TULP3: variants seen among roughly 807,000 people sequenced by gnomAD.
The protein encoded by TULP3 is TUB like protein 3, also known as tubby-related protein 3.
A neutral mutation model predicts 50.7 loss-of-function variants in TULP3; 38 were observed. That is an observed-to-expected ratio of 0.75 (90% CI 0.58 to 0.98). The LOEUF is 0.98. TULP3 is among the 50% of genes least tolerant of loss of function. The probability of loss-of-function intolerance (pLI) is 0.00; values close to 1 mark genes in which losing one functional copy is unlikely to be tolerated. For missense variants in TULP3, 550 were observed against 568.0 expected (o/e 0.97, Z 0.32); for synonymous variants, 183 against 196.6 (o/e 0.93, Z 0.58).
chr12:2,900,039 A>AC (rs1232442704), intron 1 of TULP3, among the ~76,000 whole-genome samples: 4 of 150,790 alleles, frequency 2.7e-5, no homozygotes, highest in Admixed American at 1.3e-4. Context: ...ATGTGTTGGA[A>AC]CCCCGTCTCT....
In TULP3 at chr12:2,939,193, T is replaced by G; in HGVS notation, c.1196-118T>G. On this transcript the variant is annotated intron_variant, in intron 10 of 10. Transcript: ENST00000448120. The surrounding 1 kb of genome is among the most constrained non-coding windows in gnomAD (Gnocchi z 4.0). ...CTGCAGTGAGCTGTGGTCATTCCAC[T>G]AGGCTCCAGCCAGGGCGACAGAGCA... is the stretch of plus-strand genomic sequence containing the variant. 8.6e-7 allele frequency: 1 copy of G among 1,161,016 alleles called. No individual in the cohort carries two copies. Among genetic ancestry groups the G allele is most frequent in the Middle Eastern group, 2.6e-4 (1 of 3,836 alleles). 71.9% of individuals were successfully genotyped at this position (1,161,016 alleles called of 1,614,324 possible).
At chr12:2,905,209 CAG>C (rs2098181510) in intron 1 of TULP3, among the ~76,000 whole-genome samples, 3 of 138,908 alleles carry the variant, frequency 2.2e-5, no homozygotes, top group South Asian at 4.5e-4. Context: ...TCCTTTGAGA[CAG>C]AGTCTCGCTC....
intron 4 of TULP3, among the ~76,000 whole-genome samples, chr12:2,928,898 T>C (rs1338649533): frequency 1.3e-5 from 2 of 152,042 alleles, no homozygotes; most frequent in Non-Finnish European, 2.9e-5. Context: ...TGAGCTGAGA[T>C]GGTGCCACTG....
chr12:2,908,046 C>T (rs890588626), intron 1 of TULP3, among the ~76,000 whole-genome samples: 1 of 152,042 alleles, frequency 6.6e-6, no homozygotes, highest in African/African-American at 2.4e-5. Flanking sequence ...GTTAAACGTG[C>T]CTCCCAAGTG....
chr12:2,939,564 C>G lies in TULP3; in HGVS notation c.*120C>G. 3 of 1,481,948 alleles carry G rather than the reference C, an allele frequency of 2.0e-6. No individual in the cohort carries two copies. The highest frequency in any genetic ancestry group is 2.7e-6 in the Non-Finnish European group (3 of 1,122,346). The allele number at this position is 1,481,948 out of a possible 1,614,324, so 91.8% of individuals were successfully genotyped here. On this transcript the variant is annotated 3_prime_UTR_variant, in exon 11 of 11. Coordinates refer to ENST00000448120, the MANE Select transcript of TULP3 (RefSeq NM_003324.5). This position sits in a 1 kb window ranked among gnomAD's most constrained non-coding sequence, Gnocchi z 4.0. ...AATAGTTTGCCCCTTTTGGAATGAT[C>G]TCTGAATATATAAAACACACACACA...
intron 1 of TULP3, among the ~76,000 whole-genome samples, chr12:2,900,876 CTTTT>C (rs57315328): frequency 8.7e-4 from 111 of 127,280 alleles, no homozygotes; most frequent in Middle Eastern, 3.9e-3. Flanking sequence ...AGCCGAAATA[CTTTT>C]TTTTTTTTTT....
At chr12:2,905,256 G>T (rs1299353085) in intron 1 of TULP3, among the ~76,000 whole-genome samples, 1 of 147,358 alleles carries the variant, frequency 6.8e-6, no homozygotes, top group African/African-American at 2.5e-5. Context: ...CGTGATCTTG[G>T]CTCACTGCAA....
chr12:2,918,111 A>ATTTTTG (rs1438410595), intron 2 of TULP3, among the ~76,000 whole-genome samples: 4 of 151,836 alleles, frequency 2.6e-5, no homozygotes, highest in Admixed American at 1.3e-4. Flanking sequence ...TACAGCATTC[A>ATTTTTG]TTTTTGTTTT....
intron 1 of TULP3, among the ~76,000 whole-genome samples, chr12:2,897,771 TAAAAA>T (rs71057851): frequency 8.0e-6 from 1 of 125,784 alleles, no homozygotes; most frequent in African/African-American, 3.1e-5. Flanking sequence ...CCCTGTCTCT[TAAAAA>T]AAAAAAAAAA....
chr12:2,928,470 C>T (rs1248572221), intron 4 of TULP3, among the ~76,000 whole-genome samples: 3 of 151,950 alleles, frequency 2.0e-5, no homozygotes, highest in East Asian at 1.9e-4. Flanking sequence ...GCGGAGGTTG[C>T]GGTGAGCCCA....
chr12:2,901,316 T>TTTC (rs2098179174), intron 1 of TULP3, among the ~76,000 whole-genome samples: 1 of 141,556 alleles, frequency 7.1e-6, no homozygotes, highest in African/African-American at 3.0e-5. Context: ...TTCTTTCTTT[T>TTTC]TTTTTTTTTT....
intron 2 of TULP3, among the ~76,000 whole-genome samples, chr12:2,916,641 G>A (rs970799051): frequency 6.6e-6 from 1 of 152,076 alleles, no homozygotes; most frequent in African/African-American, 2.4e-5. Context: ...ATGTAGCCTC[G>A]TTTAAAGCAC....
chr12:2,890,952 AG>A lies in TULP3; in HGVS notation c.7del (p.Ala3LeufsTer18). On this transcript the variant is annotated frameshift_variant, in exon 1 of 11. Transcript: ENST00000448120. LOFTEE classifies it high-confidence loss of function. The stretch of plus-strand genomic sequence containing the variant: ...GGGGCTTCCTCGGTGGCGGGCATGG[AG>A]GCTTCGCGCTGCCGGCTCAGTCCCA... M[E>X]ASRCRLSPSG... is the part of the protein sequence containing the mutation. 1 of 1,596,426 alleles carries A rather than the reference AG, an allele frequency of 6.3e-7. No homozygotes were observed. Among genetic ancestry groups the A allele is most frequent in the Non-Finnish European group, 8.5e-7 (1 of 1,171,798 alleles).
chr12:2,908,599 A>G (rs757777638), intron 1 of TULP3, among the ~76,000 whole-genome samples: 5 of 118,268 alleles, frequency 4.2e-5, no homozygotes, highest in Non-Finnish European at 8.7e-5. Flanking sequence ...AATTTTTTGT[A>G]TCTTAGTAGA....
In TULP3 at chr12:2,920,795, G is replaced by A. The variant is rs1393635551; in HGVS notation, c.126G>A (p.Lys42=). The A allele has an allele frequency of 6.2e-7, 1 of 1,614,022 alleles. No individual in the cohort carries two copies. Among genetic ancestry groups the A allele is most frequent in the Non-Finnish European group, 8.5e-7 (1 of 1,180,040 alleles). ...TACTTGAGAAGAGGCAAAGGAAAAAGCGCCTTGAGCCATTTATGGTGCAGC... is the reference window on the plus strand; with the variant it reads ...TACTTGAGAAGAGGCAAAGGAAAAAACGCCTTGAGCCATTTATGGTGCAGC... The part of the protein sequence containing the change: ...RLLLEKRQRK[K]RLEPFMVQPN... Residue 42 remains lysine, a synonymous_variant, in exon 3 of 11, where the codon AAG becomes AAA. Transcript: ENST00000448120.
intron 1 of TULP3, among the ~76,000 whole-genome samples, chr12:2,891,553 C>T (rs2098172106): frequency 6.6e-6 from 1 of 152,158 alleles, no homozygotes; most frequent in Admixed American, 6.5e-5. Flanking sequence ...GGCCACACCC[C>T]TTGTTTGTGC....
Position 2,939,982 on chromosome 12 carries a change from C to T in TULP3, c.*538C>T. 1 of 1,279,244 alleles carries T rather than the reference C, an allele frequency of 7.8e-7. No homozygotes were observed. The highest frequency in any genetic ancestry group is 1.2e-5 in the South Asian group (1 of 80,868). 79.2% of individuals were successfully genotyped at this position (1,279,244 alleles called of 1,614,324 possible). On this transcript the variant is annotated 3_prime_UTR_variant, in exon 11 of 11. Coordinates refer to ENST00000448120, the MANE Select transcript of TULP3 (RefSeq NM_003324.5). The surrounding 1 kb of genome is among the most constrained non-coding windows in gnomAD (Gnocchi z 4.0). ...TGGAAACTTGCAGTAGAATCAGGGA[C>T]TGACATCGCAGTTCCTCTCCTCTCT...
intron 1 of TULP3, among the ~76,000 whole-genome samples, chr12:2,893,390 G>A (rs1476459731): frequency 6.9e-6 from 1 of 144,460 alleles, no homozygotes; most frequent in Non-Finnish European, 1.5e-5. Context: ...GTGCAGTGGC[G>A]CCATCTTGGC....
chr12:2,905,579 T>C (rs940014003), intron 1 of TULP3, among the ~76,000 whole-genome samples: 10 of 152,332 alleles, frequency 6.6e-5, no homozygotes, highest in African/African-American at 2.4e-4. Context: ...GTGTGACTTT[T>C]GATATATAGG....
Sources: gnomAD v4.1 joint callset for allele counts (sites outside exome capture counted in the v4.1 genomes callset) on GRCh38, gnomAD v4.1.1 for gene constraint, Gnocchi (gnomAD v3.1) non-coding constraint, MANE v1.5 for transcripts, NCBI Gene and HGNC (gene_info 2026-07-23, HGNC 2026-07-21) for gene names.